The following H6PD variants were observed in gnomAD, a reference collection of about 807,000 sequenced individuals.
The protein encoded by H6PD is hexose-6-phosphate dehydrogenase/glucose 1-dehydrogenase.
In H6PD, 48 loss-of-function variants were observed where a neutral mutation model predicts 61.2. The ratio of observed to expected loss-of-function variants is 0.78; its 90% CI spans 0.62 to 1.00. The LOEUF is 1.00. Among genes scored for constraint, H6PD ranks in the 50% least tolerant of loss-of-function variants. H6PD has a pLI of 0.00. For synonymous variants in H6PD, 480 were observed against 457.9 expected (o/e 1.05, Z -0.62); for missense variants, 1,093 against 1,065.0 (o/e 1.03, Z -0.37).
intron 3 of H6PD, among the ~76,000 whole-genome samples, chr1:9,251,962 C>G (rs115063310): frequency 6.6e-6 from 1 of 151,548 alleles, no homozygotes; most frequent in African/African-American, 2.4e-5. Context: ...TTTCTGGTCC[C>G]GGTTCTGAAG....
At chr1:9,253,643 T>C (rs1315148838) in intron 3 of H6PD, among the ~76,000 whole-genome samples, 1 of 152,222 alleles carries the variant, frequency 6.6e-6, no homozygotes, top group African/African-American at 2.4e-5. Flanking sequence ...CCAGTTTATC[T>C]CCAGTGTGCG....
At chr1:9,243,894 G>A (rs6658895) in intron 1 of H6PD, among the ~76,000 whole-genome samples, 3,548 of 152,046 alleles carry the variant, frequency 0.023, 160 homozygotes, top group African/African-American at 0.081. Context: ...GGGGTCTGAC[G>A]TCAGGGTCAA....
intron 4 of H6PD, 66 bp from the exon 5 acceptor site, chr1:9,263,443 G>A: frequency 6.6e-7 from 1 of 1,509,176 alleles, no homozygotes. Context: ...GCAAGGAGAG[G>A]AGAGGGCTGG....
intron 3 of H6PD, among the ~76,000 whole-genome samples, chr1:9,253,346 G>A (rs1641426556): frequency 6.6e-6 from 1 of 152,220 alleles, no homozygotes; most frequent in Non-Finnish European, 1.5e-5. Context: ...GGGCCGCTTA[G>A]GGATTCGCTA....
chr1:9,262,069 C>T lies in H6PD; in HGVS notation c.756C>T (p.Ser252=). The T allele has an allele frequency of 6.2e-7, 1 of 1,614,216 alleles. No homozygotes were observed. Among genetic ancestry groups the T allele is most frequent in the Non-Finnish European group, 8.5e-7 (1 of 1,180,032 alleles). Residue 252 remains serine (S), a synonymous_variant, in exon 4 of 5, where the codon AGC becomes AGT. Transcript: ENST00000377403. ...KETVDAEGRT[S]FYEEYGVIRD... is the part of the protein sequence containing the mutation. ...ACCTCCCTCCACCAGGCCGCACCAG[C>T]TTCTATGAGGAGTACGGTGTCATTC...
At chr1:9,251,002 C>T (rs781781419) in intron 3 of H6PD, among the ~76,000 whole-genome samples, 35 of 152,304 alleles carry the variant, frequency 2.3e-4, no homozygotes, top group Admixed American at 2.0e-4. Context: ...CGATCTGGTT[C>T]CCAGCTCCCT....
At chr1:9,238,935 A>T (rs991729653) in intron 1 of H6PD, among the ~76,000 whole-genome samples, 2 of 152,186 alleles carry the variant, frequency 1.3e-5, no homozygotes, top group African/African-American at 4.8e-5. Flanking sequence ...GAATATCTTC[A>T]CCTCATAGAT....
At position 9,268,398 on chromosome 1, in the gene H6PD, A is replaced by G. The variant is rs1358330012; in HGVS notation, c.*3529A>G. ...GGGTCCTATGGTGGCGGCAGCTCCC[A>G]CAGTCCAGGTTCCCTGGTGGGGACC... On this transcript the variant is annotated 3_prime_UTR_variant, in exon 5 of 5. Transcript: ENST00000377403. 2.6e-5 allele frequency: 4 copies of G among 152,192 alleles called. No homozygotes were observed. Among genetic ancestry groups the G allele is most frequent in the Admixed American group, 2.6e-4 (4 of 15,270 alleles). 9.4% of individuals were successfully genotyped at this position (152,192 alleles called of 1,614,324 possible). A position where few individuals can be genotyped will look rare whatever the true frequency, so the allele number is the denominator to read the frequency against.
At position 9,262,338 on chromosome 1, in the gene H6PD, G is replaced by A; in HGVS notation, c.1015+10G>A. On this transcript the variant is annotated intron_variant, in intron 4 of 4. Transcript: ENST00000377403. ...ACGCCGACCTTCGCAGGTGGGCCCT[G>A]GGGCTGGGCATGGGGCACTGGGCTG... 6.3e-7 allele frequency: 1 copy of A among 1,595,574 alleles called. No homozygotes were observed.
chr1:9,262,271 G>C lies in H6PD; in HGVS notation c.958G>C (p.Val320Leu). Residue 320 changes from valine (V) to leucine (L), a missense_variant, in exon 4 of 5, where the codon GTG becomes CTG. Physicochemically the swap from Val to Leu is conservative, Grantham distance 32. Coordinates refer to ENST00000377403, the MANE Select transcript of H6PD (RefSeq NM_004285.4). ...VGQYQSYSEQ[V>L]RRELQKPDSF... is the part of the protein sequence containing the mutation. ...CCAGTACCAGTCTTACAGTGAGCAG[G>C]TGCGCAGAGAGCTGCAGAAGCCAGA... 6.2e-7 allele frequency: 1 copy of C among 1,611,036 alleles called. No individual in the cohort carries two copies. Among genetic ancestry groups the C allele is most frequent in the Non-Finnish European group, 8.5e-7 (1 of 1,178,674 alleles).
intron 3 of H6PD, among the ~76,000 whole-genome samples, chr1:9,255,294 T>C (rs993966602): frequency 1.3e-5 from 2 of 152,092 alleles, no homozygotes; most frequent in African/African-American, 4.8e-5. Flanking sequence ...TTATTTTTTA[T>C]TTTTGGAGAC....
Position 9,263,665 on chromosome 1 carries a change from G to C in H6PD, c.1172G>C (p.Ser391Thr), listed in dbSNP as rs1415137645. ...GAAAAGCACTGGGCCGCGGCGCAGA[G>C]CCAGTGCCTGCCCCGGCAGCTCGTC... is the stretch of plus-strand genomic sequence containing the variant. ...QSEKHWAAAQ[S>T]QCLPRQLVFH... The change falls in exon 5 of 5, where the codon AGC (serine) becomes ACC (threonine). Residue 391 changes from serine to threonine, a missense_variant. Ser to Thr is a moderately conservative substitution (Grantham distance 58). Coordinates refer to ENST00000377403, the MANE Select transcript of H6PD (RefSeq NM_004285.4). 1.9e-6 allele frequency: 3 copies of C among 1,614,098 alleles called. No homozygotes were observed. In the South Asian group the frequency reaches 3.3e-5, roughly 18 times the overall value.
chr1:9,254,722 C>T lies in H6PD; in HGVS notation c.746-7337C>T, dbSNP rs1557743581. Among the ~76,000 whole-genome samples the T allele has an allele frequency of 6.6e-6, 1 of 152,208 alleles. No individual in the cohort carries two copies. The highest frequency in any genetic ancestry group is 1.5e-5 in the Non-Finnish European group (1 of 68,042). On this transcript the variant is annotated intron_variant, in intron 3 of 4. Transcript: ENST00000377403. The surrounding 1 kb of genome is among the most constrained non-coding windows in gnomAD (Gnocchi z 4.6). Reference sequence around the variant, plus strand: ...TTTTATTGAGCTGTAACTCACAAATCCTACTACACTTTACCCAGTTAAGGT... The same window carrying T: ...TTTTATTGAGCTGTAACTCACAAATTCTACTACACTTTACCCAGTTAAGGT...
rs774134939 is a variant in H6PD, at chr1:9,245,518, A to G, written c.584A>G (p.Gln195Arg). ...GCCACAGAACTCGGGACCTTTTTCC[A>G]GGAGGAGGAGATGTACCGGGTGGAC... Reference protein sequence around the residue: ...QLATELGTFFQEEEMYRVDHY... With the variant: ...QLATELGTFFREEEMYRVDHY... Residue 195 changes from glutamine (Q) to arginine (R), a missense_variant, in exon 2 of 5, where the codon CAG becomes CGG. Gln to Arg is a conservative substitution (Grantham distance 43). Coordinates refer to ENST00000377403, the MANE Select transcript of H6PD (RefSeq NM_004285.4). The surrounding 1 kb of genome is among the most constrained non-coding windows in gnomAD (Gnocchi z 4.8). 2 of 1,614,030 alleles carry G rather than the reference A, an allele frequency of 1.2e-6. No homozygotes were observed. Among genetic ancestry groups the G allele is most frequent in the East Asian group, 2.2e-5 (1 of 44,798 alleles).
rs970258444 is a variant in H6PD at position 9,250,893 on chromosome 1, GT to G, written c.745+3819del. Among the ~76,000 whole-genome samples, 9 of 149,526 alleles carry G rather than the reference GT, an allele frequency of 6.0e-5. No individual in the cohort carries two copies. The East Asian group carries it at 9.7e-4, about 16-fold the overall frequency. On this transcript the variant is annotated intron_variant, in intron 3 of 4. Coordinates refer to ENST00000377403, the MANE Select transcript of H6PD (RefSeq NM_004285.4). The stretch of plus-strand genomic sequence containing the variant: ...CCATCCTCCATGCTGGGTGAGTGTT[GT>G]TTTTTTTTCCTGCTGCAGCCTCTGG...
chr1:9,261,634 A>C (rs942301052), intron 3 of H6PD, among the ~76,000 whole-genome samples: 2 of 152,104 alleles, frequency 1.3e-5, no homozygotes, highest in Non-Finnish European at 2.9e-5. Flanking sequence ...CCAAGATCAC[A>C]TGCTAGTAAG....
At chr1:9,248,946 G>A (rs550716803) in intron 3 of H6PD, among the ~76,000 whole-genome samples, 20 of 152,322 alleles carry the variant, frequency 1.3e-4, no homozygotes, top group South Asian at 4.1e-4. Flanking sequence ...CAGCAGGCAC[G>A]TGTGCTGGGC....
chr1:9,258,779 T>A (rs1378245748), intron 3 of H6PD, among the ~76,000 whole-genome samples: 1 of 152,154 alleles, frequency 6.6e-6, no homozygotes, highest in Admixed American at 6.5e-5. Context: ...GGTGTTGTTA[T>A]GTTGTTGTTA....
At position 9,265,713 on chromosome 1, in the gene H6PD, C is replaced by G. The variant is rs1638534262; in HGVS notation, c.*844C>G. On this transcript the variant is annotated 3_prime_UTR_variant, in exon 5 of 5. Coordinates refer to ENST00000377403, the MANE Select transcript of H6PD (RefSeq NM_004285.4). ...CTTGCTATGTTGCCCAGGCTGGTCT[C>G]AAACTCCTGGGCTCAAGCGATCCTC... 1 of 152,476 alleles carries G rather than the reference C, an allele frequency of 6.6e-6. No individual in the cohort carries two copies. Among genetic ancestry groups the G allele is most frequent in the Non-Finnish European group, 1.5e-5 (1 of 68,290 alleles). The allele number at this position is 152,476 out of a possible 1,614,324, so 9.4% of individuals were successfully genotyped here. A position where few individuals can be genotyped will look rare whatever the true frequency, so the allele number is the denominator to read the frequency against.
Sources: allele counts gnomAD v4.1 joint callset (sites outside exome capture counted in the v4.1 genomes callset), GRCh38; gene constraint gnomAD v4.1.1; non-coding constraint Gnocchi (gnomAD v3.1); transcripts MANE v1.5; gene names NCBI Gene and HGNC (gene_info 2026-07-23, HGNC 2026-07-21).